Variants in EPB41L5 observed in about 807,000 individuals in gnomAD.
EPB41L5 encodes the protein band 4.1-like protein 5.
Under a neutral mutation model 106.6 loss-of-function variants are expected in EPB41L5, and 55 were observed. The observed-to-expected ratio is 0.52, with a 90% CI of 0.42 to 0.65. EPB41L5 has a LOEUF of 0.65. Among genes scored for constraint, EPB41L5 ranks in the 30% least tolerant of loss-of-function variants. EPB41L5 has a pLI of 0.00. For missense variants in EPB41L5, 871 were observed against 882.1 expected (o/e 0.99, Z 0.16); for synonymous variants, 297 against 306.7 (o/e 0.97, Z 0.33).
chr2:120,095,969 C>T lies in EPB41L5; in HGVS notation c.1178+2693C>T, dbSNP rs939747081. Among the ~76,000 whole-genome samples the T allele has an allele frequency of 1.1e-4, 16 of 152,098 alleles. No individual in the cohort carries two copies. In the South Asian group the frequency reaches 1.5e-3, roughly 14 times the overall value. ...ACAGGTGTGAACCACCACGCCCAGC[C>T]GGCTCCATTAATTTTAATATTACTT... On this transcript the variant is annotated intron_variant, in intron 14 of 24. Transcript: ENST00000263713.
chr2:120,121,474 G>A (rs1685214006), intron 16 of EPB41L5, among the ~76,000 whole-genome samples: 1 of 152,112 alleles, frequency 6.6e-6, no homozygotes, highest in Non-Finnish European at 1.5e-5. Flanking sequence ...CCTTGTGATA[G>A]TTTGCTGAGA....
chr2:120,104,860 A>G, intron 16 of EPB41L5: 4 of 973,984 alleles, frequency 4.1e-6, no homozygotes, highest in African/African-American at 1.7e-5. Flanking sequence ...TGGCTCATGT[A>G]TAGAGAAATC....
At chr2:120,042,941 G>A (rs148136897) in intron 3 of EPB41L5, among the ~76,000 whole-genome samples, 310 of 151,998 alleles carry the variant, frequency 2.0e-3, no homozygotes, top group Non-Finnish European at 3.8e-3. Flanking sequence ...AGGAGGCAGA[G>A]GAAGAGACCA....
chr2:120,146,295 G>C lies in EPB41L5; in HGVS notation c.1793+6G>C, dbSNP rs766498636. On this transcript the variant is annotated splice_donor_region_variant and intron_variant, in intron 20 of 24. Coordinates refer to ENST00000263713, the MANE Select transcript of EPB41L5 (RefSeq NM_020909.4). Reference sequence around the variant, plus strand: ...CAGGATGCTGCCACAAACAGGTACAGTTCTGGGTAGACTGAATTAAATTGA... The same window carrying C: ...CAGGATGCTGCCACAAACAGGTACACTTCTGGGTAGACTGAATTAAATTGA... The C allele has an allele frequency of 1.2e-5, 19 of 1,598,764 alleles. No homozygotes were observed. Among genetic ancestry groups the C allele is most frequent in the East Asian group, 2.2e-5 (1 of 44,672 alleles).
At chr2:120,117,845 C>T (rs2105441141) in intron 16 of EPB41L5, among the ~76,000 whole-genome samples, 1 of 152,174 alleles carries the variant, frequency 6.6e-6, no homozygotes, top group Admixed American at 6.5e-5. Context: ...GTTCCTCTCC[C>T]CCTGCCCCCT....
chr2:120,072,369 G>A (rs1410609633), intron 3 of EPB41L5, among the ~76,000 whole-genome samples: 2 of 152,100 alleles, frequency 1.3e-5, no homozygotes, highest in East Asian at 3.9e-4. Context: ...AAGACAGTGT[G>A]GTGATTTCCT....
At position 120,071,195 on chromosome 2, in the gene EPB41L5, CAGAG is replaced by C. The variant is rs1320361842; in HGVS notation, c.286-1980_286-1977del. ...CACAAGCATTCCTATACACCAATAA[CAGAG>C]AGCCAAATCATGAGTGAACTCCCAT... On this transcript the variant is annotated intron_variant, in intron 3 of 24. Coordinates refer to ENST00000263713, the MANE Select transcript of EPB41L5 (RefSeq NM_020909.4). Among the ~76,000 whole-genome samples the C allele has an allele frequency of 3.3e-5, 5 of 152,094 alleles. No individual in the cohort carries two copies. In the East Asian group the frequency reaches 7.7e-4, roughly 23 times the overall value.
chr2:120,048,500 G>A (rs1367891680), intron 3 of EPB41L5, among the ~76,000 whole-genome samples: 1 of 152,010 alleles, frequency 6.6e-6, no homozygotes, highest in African/African-American at 2.4e-5. Flanking sequence ...GGGATCAGTG[G>A]TGATATCCCC....
chr2:120,140,350 C>G (rs1234031014), intron 18 of EPB41L5, among the ~76,000 whole-genome samples: 1 of 151,836 alleles, frequency 6.6e-6, no homozygotes, highest in Non-Finnish European at 1.5e-5. Flanking sequence ...GATGGATACT[C>G]CATTTACCCT....
intron 10 of EPB41L5, among the ~76,000 whole-genome samples, chr2:120,079,076 A>T (rs917670444): frequency 6.6e-6 from 1 of 152,164 alleles, no homozygotes; most frequent in East Asian, 1.9e-4. Flanking sequence ...TTTCTTGGCC[A>T]TAATTGAGTC....
chr2:120,054,517 AAG>A (rs1187002576), intron 3 of EPB41L5, among the ~76,000 whole-genome samples: 2 of 7,166 alleles, frequency 2.8e-4, no homozygotes, highest in Non-Finnish European at 7.0e-4. Context: ...TTTTTTGAGA[AAG>A]AGTCTCACTC....
At chr2:120,154,173 T>A (rs552257329) in intron 20 of EPB41L5, among the ~76,000 whole-genome samples, 21 of 152,140 alleles carry the variant, frequency 1.4e-4, no homozygotes, top group East Asian at 1.9e-4. Flanking sequence ...TTATTTATTT[T>A]TTGAGACCAA....
At chr2:120,014,859 G>T (rs1199703538) in intron 1 of EPB41L5, among the ~76,000 whole-genome samples, 2 of 151,844 alleles carry the variant, frequency 1.3e-5, no homozygotes, top group South Asian at 4.2e-4. Flanking sequence ...TTTAGAACAG[G>T]GATCAGATTT....
At position 120,053,770 on chromosome 2, in the gene EPB41L5, A is replaced by G. The variant is rs530729099; in HGVS notation, c.285+11660A>G. 3.3e-5 allele frequency among the ~76,000 whole-genome samples: 5 copies of G among 152,296 alleles called. No individual in the cohort carries two copies. The South Asian group carries it at 1.0e-3, about 32-fold the overall frequency. On this transcript the variant is annotated intron_variant, in intron 3 of 24. Coordinates refer to ENST00000263713, the MANE Select transcript of EPB41L5 (RefSeq NM_020909.4). ...TATTTCTACTATTTGGCTGTTATGA[A>G]TAATGCTGCTCTGAAGGCTGGGCAT...
intron 22 of EPB41L5, among the ~76,000 whole-genome samples, chr2:120,165,884 C>T (rs927820847): frequency 7.1e-6 from 1 of 140,152 alleles, no homozygotes; most frequent in Admixed American, 8.0e-5. Flanking sequence ...AAGACAATTG[C>T]TGGAACCTGG....
chr2:120,054,925 C>G (rs949703481), intron 3 of EPB41L5, among the ~76,000 whole-genome samples: 9 of 143,082 alleles, frequency 6.3e-5, no homozygotes, highest in African/African-American at 2.3e-4. Flanking sequence ...GGAGTGCAAT[C>G]ATGCGAACTT....
At chr2:120,173,751 T>G (rs755709356) in intron 24 of EPB41L5, among the ~76,000 whole-genome samples, 1 of 152,226 alleles carries the variant, frequency 6.6e-6, no homozygotes, top group Non-Finnish European at 1.5e-5. Context: ...GTCATGATCA[T>G]AGCTGACTGC....
chr2:120,157,336 A>G (rs957941314), intron 20 of EPB41L5, among the ~76,000 whole-genome samples: 1 of 152,098 alleles, frequency 6.6e-6, no homozygotes, highest in African/African-American at 2.4e-5. Flanking sequence ...TCAAAAAGTT[A>G]GAAAGATCTC....
rs1468842545 is a variant in EPB41L5 at position 120,119,715 on chromosome 2, A to G, written c.1338-7973A>G. On this transcript the variant is annotated intron_variant, in intron 16 of 24. Coordinates refer to ENST00000263713, the MANE Select transcript of EPB41L5 (RefSeq NM_020909.4). ...GACGGTGTAACGTATCCAAAGGAGA[A>G]TTTAAAAACATACATAAATATAGGC... is the stretch of plus-strand genomic sequence containing the variant. Among the ~76,000 whole-genome samples, 3 of 151,778 alleles carry G rather than the reference A, an allele frequency of 2.0e-5. No individual in the cohort carries two copies. In the East Asian group the frequency reaches 5.8e-4, roughly 29 times the overall value.
Sources: allele counts gnomAD v4.1 joint callset (sites outside exome capture counted in the v4.1 genomes callset), GRCh38; gene constraint gnomAD v4.1.1; transcripts MANE v1.5; gene names NCBI Gene and HGNC (gene_info 2026-07-23, HGNC 2026-07-21).